The following AFAP1L1 variants were observed in gnomAD, a reference collection of about 807,000 sequenced individuals.
AFAP1L1 encodes actin filament associated protein 1 like 1.
In AFAP1L1, 77 loss-of-function variants were observed where a neutral mutation model predicts 99.8. The ratio of observed to expected loss-of-function variants is 0.77; its 90% CI spans 0.64 to 0.93. The LOEUF (loss-of-function observed/expected upper bound fraction) is 0.93. Ranked by LOEUF, AFAP1L1 falls within the 40% of genes least tolerant of loss-of-function variation. The probability of loss-of-function intolerance (pLI) is 0.00; values close to 1 mark genes in which losing one functional copy is unlikely to be tolerated. For synonymous variants in AFAP1L1, 373 were observed against 395.3 expected (o/e 0.94, Z 0.67); for missense variants, 893 against 996.8 (o/e 0.90, Z 1.40).
chr5:149,318,557 A>G (rs1188975767), intron 12 of AFAP1L1, among the ~76,000 whole-genome samples: 2 of 152,228 alleles, frequency 1.3e-5, no homozygotes, highest in Non-Finnish European at 2.9e-5. Flanking sequence ...AGAACTCAGC[A>G]TGATGTCCAG....
intron 1 of AFAP1L1, among the ~76,000 whole-genome samples, chr5:149,288,866 G>A (rs568299146): frequency 6.6e-6 from 1 of 152,168 alleles, no homozygotes; most frequent in Non-Finnish European, 1.5e-5. Context: ...CCTGGGCAGA[G>A]CTGATGCGAG....
intron 1 of AFAP1L1, among the ~76,000 whole-genome samples, chr5:149,284,151 A>G (rs1353470825): frequency 6.6e-6 from 1 of 152,256 alleles, no homozygotes; most frequent in East Asian, 1.9e-4. Flanking sequence ...CCGAGAGCCC[A>G]AAAGAGCAGA....
At chr5:149,310,818 C>T (rs1188033772) in intron 8 of AFAP1L1, among the ~76,000 whole-genome samples, 2 of 152,178 alleles carry the variant, frequency 1.3e-5, no homozygotes, top group East Asian at 3.9e-4. Flanking sequence ...GGCAGGATGA[C>T]ATAGTGATGA....
chr5:149,326,196 A>G (rs1757090832), intron 15 of AFAP1L1, among the ~76,000 whole-genome samples: 1 of 152,222 alleles, frequency 6.6e-6, no homozygotes, highest in Non-Finnish European at 1.5e-5. Flanking sequence ...AGAACAATAA[A>G]CTAAACCACA....
chr5:149,302,326 C>G, intron 4 of AFAP1L1, 92 bp from the exon 5 acceptor site: 1 of 840,524 alleles, frequency 1.2e-6, no homozygotes, highest in Non-Finnish European at 1.8e-6. Context: ...ACACTGCCTC[C>G]TGCCTTCTGC....
chr5:149,311,460 C>T (rs754975820), intron 8 of AFAP1L1, among the ~76,000 whole-genome samples: 28 of 152,192 alleles, frequency 1.8e-4, no homozygotes, highest in Non-Finnish European at 1.5e-5. Flanking sequence ...GGTGGCTTCC[C>T]CTCTGCGAGG....
chr5:149,304,347 A>T (rs1335827566), intron 5 of AFAP1L1: 1 of 152,180 alleles, frequency 6.6e-6, no homozygotes, highest in East Asian at 1.9e-4. Flanking sequence ...TTCAGCCTTG[A>T]TAGTCTCAGG....
At chr5:149,335,519 C>T in intron 17 of AFAP1L1, 75 bp from the exon 18 acceptor site, 7 of 1,509,780 alleles carry the variant, frequency 4.6e-6, no homozygotes, top group Non-Finnish European at 6.3e-6. Flanking sequence ...TGTCCTCATG[C>T]TTTTGAGGGC....
Position 149,316,340 on chromosome 5 carries a change from C to T in AFAP1L1, c.1267+37C>T, listed in dbSNP as rs202022315. 1.5e-4 allele frequency: 247 copies of T among 1,598,262 alleles called. 1 individual carries two copies. The East Asian group carries it at 4.6e-3, about 30-fold the overall frequency. On this transcript the variant is annotated intron_variant, in intron 11 of 18. Coordinates refer to ENST00000296721, the MANE Select transcript of AFAP1L1 (RefSeq NM_152406.4). The stretch of plus-strand genomic sequence containing the variant: ...GCACGGGGAGGAAGGGTGCTCAGGT[C>T]CTGTGTGCGCGGGCTTTGGGGGCTG...
chr5:149,283,294 G>A lies in AFAP1L1; in HGVS notation c.16+11310G>A, dbSNP rs149764894. On this transcript the variant is annotated intron_variant, in intron 1 of 18. Coordinates refer to ENST00000296721, the MANE Select transcript of AFAP1L1 (RefSeq NM_152406.4). ...GGCCTCAGGGCTGCCATTAGTGCAC[G>A]GGTGACCAGGAAGTGTCCTTGCTGA... is the stretch of plus-strand genomic sequence containing the variant. 5.9e-5 allele frequency among the ~76,000 whole-genome samples: 9 copies of A among 152,278 alleles called. No individual in the cohort carries two copies. In the East Asian group the frequency reaches 9.7e-4, roughly 16 times the overall value.
At position 149,315,808 on chromosome 5, in the gene AFAP1L1, TGTCCCTC is replaced by T; in HGVS notation, c.1021-12_1021-6del. 1.9e-6 allele frequency: 3 copies of T among 1,611,498 alleles called. No homozygotes were observed. Among genetic ancestry groups the T allele is most frequent in the South Asian group, 2.2e-5 (2 of 91,004 alleles). Reference sequence around the variant, plus strand: ...GTGCCCTCTGATGAGGGACTGCCTGTGTCCCTCCTCAGAGGCTGTCCCAAGAGAAGCA... The same window carrying T: ...GTGCCCTCTGATGAGGGACTGCCTGTCTCAGAGGCTGTCCCAAGAGAAGCA... On this transcript the variant is annotated splice_polypyrimidine_tract_variant and splice_region_variant and intron_variant, in intron 9 of 18. Coordinates refer to ENST00000296721, the MANE Select transcript of AFAP1L1 (RefSeq NM_152406.4).
At chr5:149,290,377 T>A (rs534515743) in intron 1 of AFAP1L1, among the ~76,000 whole-genome samples, 1 of 152,330 alleles carries the variant, frequency 6.6e-6, no homozygotes, top group African/African-American at 2.4e-5. Flanking sequence ...CACATTCACA[T>A]GTGTCGGGGC....
intron 1 of AFAP1L1, among the ~76,000 whole-genome samples, chr5:149,297,335 G>C (rs1283680360): frequency 6.6e-6 from 1 of 152,106 alleles, no homozygotes; most frequent in African/African-American, 2.4e-5. Flanking sequence ...CCCCAGAGCT[G>C]TGCCACTCTG....
chr5:149,312,276 A>G (rs1407615132), intron 9 of AFAP1L1, 72 bp downstream of exon 9: 1 of 1,476,720 alleles, frequency 6.8e-7, no homozygotes, highest in Admixed American at 1.7e-5. Flanking sequence ...CCCCAGGGGA[A>G]CTAACTGGCT....
chr5:149,322,655 C>A lies in AFAP1L1; in HGVS notation c.1748C>A (p.Ser583Tyr). The A allele has an allele frequency of 6.3e-7, 1 of 1,594,442 alleles. No homozygotes were observed. The highest frequency in any genetic ancestry group is 1.3e-5 in the African/African-American group (1 of 74,750). The change falls in exon 15 of 19, where the codon TCC (serine) becomes TAC (tyrosine). Residue 583 changes from serine to tyrosine, a missense_variant. Physicochemically the swap from Ser to Tyr is moderately radical, Grantham distance 144. Transcript: ENST00000296721. ...PTGAQVKRHA[S>Y]SCSEKSHRVD... ...GGGGCCCAGGTGAAGCGTCACGCCT[C>A]CTCCTGCAGTGAGAAGTCCCATCGT...
At chr5:149,310,796 C>A (rs1756605708) in intron 8 of AFAP1L1, among the ~76,000 whole-genome samples, 2 of 152,190 alleles carry the variant, frequency 1.3e-5, no homozygotes. Flanking sequence ...TAAATCTACT[C>A]CAAAGGCCAT....
chr5:149,300,303 G>A lies in AFAP1L1; in HGVS notation c.178G>A (p.Ala60Thr). Residue 60 changes from alanine to threonine, a missense_variant, in exon 3 of 19, where the codon GCA becomes ACA. Coordinates refer to ENST00000296721, the MANE Select transcript of AFAP1L1 (RefSeq NM_152406.4). ...GGTCTCCTACCTGTATGTGAACACAGCAGACCTCCACTCGGGGCCCAGCTT... is the reference window on the plus strand; with the variant it reads ...GGTCTCCTACCTGTATGTGAACACAACAGACCTCCACTCGGGGCCCAGCTT... ...KEVSYLYVNT[A>T]DLHSGPSFVE... 1 of 1,613,578 alleles carries A rather than the reference G, an allele frequency of 6.2e-7. No homozygotes were observed. The highest frequency in any genetic ancestry group is 8.5e-7 in the Non-Finnish European group (1 of 1,179,788).
intron 16 of AFAP1L1, among the ~76,000 whole-genome samples, chr5:149,330,617 T>C (rs1032353836): frequency 4.6e-5 from 7 of 152,192 alleles, no homozygotes; most frequent in Admixed American, 3.9e-4. Flanking sequence ...AGAAGACTTG[T>C]TCTGTGTGGC....
At chr5:149,307,294 C>A in intron 6 of AFAP1L1, 108 bp from the exon 7 acceptor site, 2 of 1,175,102 alleles carry the variant, frequency 1.7e-6, no homozygotes, top group Non-Finnish European at 2.5e-6. Context: ...ATGCCTAATG[C>A]CCATGCCTTC....
Sources: gnomAD v4.1 joint callset for allele counts (sites outside exome capture counted in the v4.1 genomes callset) on GRCh38, gnomAD v4.1.1 for gene constraint, MANE v1.5 for transcripts, NCBI Gene and HGNC (gene_info 2026-07-23, HGNC 2026-07-21) for gene names.